PTPRD: variants seen among roughly 807,000 people sequenced by gnomAD.
PTPRD encodes the protein protein tyrosine phosphatase receptor type D.
In PTPRD, 34 loss-of-function variants were observed where a neutral mutation model predicts 214.5. That is an observed-to-expected ratio of 0.16 (90% CI 0.12 to 0.21). PTPRD has a LOEUF of 0.21. Ranked by LOEUF, PTPRD falls within the 10% of genes least tolerant of loss-of-function variation. The pLI is 1.00. For synonymous variants in PTPRD, 1,128 were observed against 845.7 expected, an observed-to-expected ratio of 1.33 and a Z score of -5.79; for missense variants, 2,545 against 2,398.7, an observed-to-expected ratio of 1.06 and a Z score of -1.27.
intron 10 of PTPRD, among the ~76,000 whole-genome samples, chr9:9,038,823 T>C (rs564180581): frequency 6.6e-6 from 1 of 152,140 alleles, no homozygotes; most frequent in East Asian, 1.9e-4. Context: ...TCCCACAGTG[T>C]TGGCATTACA....
At chr9:8,419,016 C>T (rs922845821) in intron 35 of PTPRD, among the ~76,000 whole-genome samples, 10 of 151,732 alleles carry the variant, frequency 6.6e-5, no homozygotes, top group East Asian at 1.9e-4. Context: ...GGCAGGAGTT[C>T]GAGACTGGCC....
At chr9:9,043,440 C>T (rs933848327) in intron 10 of PTPRD, among the ~76,000 whole-genome samples, 1 of 152,122 alleles carries the variant, frequency 6.6e-6, no homozygotes, top group Non-Finnish European at 1.5e-5. Context: ...ATCAGGATGA[C>T]CTCGAGGTCA....
intron 8 of PTPRD, among the ~76,000 whole-genome samples, chr9:9,519,598 C>T (rs1049845240): frequency 1.3e-5 from 2 of 151,982 alleles, no homozygotes; most frequent in Non-Finnish European, 2.9e-5. Context: ...AATAAATCAA[C>T]TCCTAGAACA....
intron 3 of PTPRD, among the ~76,000 whole-genome samples, chr9:10,186,443 A>G (rs1165168844): frequency 6.6e-6 from 1 of 152,148 alleles, no homozygotes; most frequent in African/African-American, 2.4e-5. Flanking sequence ...TATCACATTA[A>G]TGCAACACTT....
rs2154350449 is a variant in PTPRD, at chr9:10,222,994, G to A, written c.-545+117969C>T. On this transcript the variant is annotated intron_variant, in intron 3 of 45. Coordinates refer to ENST00000381196, the MANE Select transcript of PTPRD (RefSeq NM_002839.4). Reference sequence around the variant, plus strand: ...TCTATACCAAGCCAGAGGGAAAGAAGTGAAAGACAGAGAATGAAGAGTAAA... The same window carrying A: ...TCTATACCAAGCCAGAGGGAAAGAAATGAAAGACAGAGAATGAAGAGTAAA... 2.0e-5 allele frequency among the ~76,000 whole-genome samples: 3 copies of A among 152,142 alleles called. 1 individual carries two copies. The highest frequency in any genetic ancestry group is 7.2e-5 in the African/African-American group (3 of 41,532).
At position 8,788,688 on chromosome 9, in the gene PTPRD, A is replaced by C. The variant is rs117381723; in HGVS notation, c.-103-54742T>G. Among the ~76,000 whole-genome samples the C allele has an allele frequency of 3.1e-3, 476 of 152,338 alleles. 11 individuals are homozygous for C. The highest frequency in any genetic ancestry group is 0.031 in the East Asian group (158 of 5,174). On this transcript the variant is annotated intron_variant, in intron 11 of 45. Coordinates refer to ENST00000381196, the MANE Select transcript of PTPRD (RefSeq NM_002839.4). ...CACTGATGACATTTCTTATCATTCG[A>C]ATCAGCCATAACTGTTTTCAAGTGC... is the stretch of plus-strand genomic sequence containing the variant.
intron 8 of PTPRD, among the ~76,000 whole-genome samples, chr9:9,469,656 T>C (rs2094458838): frequency 6.6e-6 from 1 of 152,208 alleles, no homozygotes; most frequent in South Asian, 2.1e-4. Flanking sequence ...ACGGTGGATG[T>C]GCAGTAGAGA....
At chr9:8,331,343 G>A (rs902849208) in intron 44 of PTPRD, among the ~76,000 whole-genome samples, 1 of 152,072 alleles carries the variant, frequency 6.6e-6, no homozygotes, top group Non-Finnish European at 1.5e-5. Flanking sequence ...AATTTGGTTT[G>A]TCTAATAGGA....
At chr9:9,909,705 A>G (rs553601623) in intron 5 of PTPRD, among the ~76,000 whole-genome samples, 14 of 151,924 alleles carry the variant, frequency 9.2e-5, no homozygotes, top group African/African-American at 2.9e-4. Context: ...TCAATGAACT[A>G]ATTAAGAAAT....
chr9:8,898,805 T>A, intron 11 of PTPRD, among the ~76,000 whole-genome samples: 1 of 152,108 alleles, frequency 6.6e-6, no homozygotes, highest in Non-Finnish European at 1.5e-5. Context: ...GACAGAGAAG[T>A]CATCTGTGAA....
intron 8 of PTPRD, among the ~76,000 whole-genome samples, chr9:9,400,882 C>G (rs1041816520): frequency 6.6e-6 from 1 of 152,112 alleles, no homozygotes; most frequent in Admixed American, 6.6e-5. Context: ...TTAGAATTAC[C>G]CATCCACTTC....
chr9:10,015,997 G>A (rs993822325), intron 4 of PTPRD, among the ~76,000 whole-genome samples: 7 of 151,978 alleles, frequency 4.6e-5, no homozygotes, highest in Admixed American at 2.0e-4. Context: ...TACTTGAATC[G>A]ACTTCTCCTG....
intron 10 of PTPRD, among the ~76,000 whole-genome samples, chr9:9,040,348 C>A (rs7854054): frequency 6.6e-6 from 1 of 152,130 alleles, no homozygotes. Context: ...GAAAGCAACA[C>A]CATATGCCTT....
intron 3 of PTPRD, among the ~76,000 whole-genome samples, chr9:10,051,645 C>G (rs917713190): frequency 6.6e-6 from 1 of 151,876 alleles, no homozygotes; most frequent in Non-Finnish European, 1.5e-5. Context: ...GTTCCCCTTC[C>G]TGTGTCCATG....
chr9:9,181,749 T>C (rs2099928360), intron 10 of PTPRD, among the ~76,000 whole-genome samples: 1 of 152,042 alleles, frequency 6.6e-6, no homozygotes, highest in Non-Finnish European at 1.5e-5. Context: ...AGAATTGGTC[T>C]GTCTTGAAGA....
At chr9:9,464,036 G>A (rs1047217610) in intron 8 of PTPRD, among the ~76,000 whole-genome samples, 1 of 152,036 alleles carries the variant, frequency 6.6e-6, no homozygotes, top group Non-Finnish European at 1.5e-5. Flanking sequence ...CTCAAACATG[G>A]TTACATTTAT....
Position 8,507,309 on chromosome 9 carries a change from C to G in PTPRD, c.1669G>C (p.Gly557Arg). The G allele has an allele frequency of 6.2e-7, 1 of 1,613,806 alleles. No homozygotes were observed. Among genetic ancestry groups the G allele is most frequent in the Non-Finnish European group, 8.5e-7 (1 of 1,179,768 alleles). The change falls in exon 22 of 46, where the codon GGA becomes CGA. Residue 557 changes from glycine to arginine, a missense_variant. Transcript: ENST00000381196. Reference protein sequence around the residue: ...YELVYKDGEHGEEQRITIEPG... With the variant: ...YELVYKDGEHREEQRITIEPG... ...AAGCACTATAGTCTTACCTCCTCTC[C>G]ATGCTCCCCATCTTTGTAGACCAGT...
intron 2 of PTPRD, among the ~76,000 whole-genome samples, chr9:10,379,610 C>T (rs1024889186): frequency 6.6e-6 from 1 of 151,898 alleles, no homozygotes; most frequent in Admixed American, 6.6e-5. Flanking sequence ...TAAAGAAATA[C>T]ATTTTTATGT....
At chr9:9,030,251 T>TTG (rs2099600260) in intron 10 of PTPRD, among the ~76,000 whole-genome samples, 1 of 148,994 alleles carries the variant, frequency 6.7e-6, no homozygotes, top group African/African-American at 2.5e-5. Flanking sequence ...CTTAGTGCCT[T>TTG]TGGATCACAT....
Sources: allele counts gnomAD v4.1 joint callset (sites outside exome capture counted in the v4.1 genomes callset), GRCh38; gene constraint gnomAD v4.1.1; transcripts MANE v1.5; gene names NCBI Gene and HGNC (gene_info 2026-07-23, HGNC 2026-07-21).